PALM: variants seen among roughly 807,000 people sequenced by gnomAD.
PALM encodes paralemmin-1.
Under a neutral mutation model 30.7 loss-of-function variants are expected in PALM, and 18 were observed. That is an observed-to-expected ratio of 0.59 (90% confidence interval 0.41 to 0.87). PALM has a LOEUF of 0.87. Ranked by LOEUF, PALM falls within the 40% of genes least tolerant of loss-of-function variation. The probability of loss-of-function intolerance (pLI) is 0.00; values close to 1 mark genes in which losing one functional copy is unlikely to be tolerated. For synonymous variants in PALM, 286 were observed against 242.8 expected, an observed-to-expected ratio of 1.18 and a Z score of -1.66; for missense variants, 529 against 555.4, an observed-to-expected ratio of 0.95 and a Z score of 0.48.
Position 746,613 on chromosome 19 carries a change from A to G in PALM, c.963A>G (p.Gln321=), listed in dbSNP as rs2033351063. The change falls in exon 9 of 9, where the codon CAA becomes CAG. Residue 321 remains glutamine (Q), a synonymous_variant. Transcript: ENST00000338448. The surrounding 1 kb of genome is among the most constrained non-coding windows in gnomAD (Gnocchi z 7.1). ...EAETKKVLGL[Q]DTITAELVVI... ...AGACCAAGAAGGTGCTGGGCCTTCA[A>G]GATACCATCACGGCGGAGCTGGTGG... The G allele has an allele frequency of 1.2e-6, 2 of 1,613,288 alleles. No homozygotes were observed. Among genetic ancestry groups the G allele is most frequent in the Admixed American group, 1.7e-5 (1 of 59,994 alleles).
At position 746,922 on chromosome 19, in the gene PALM, T is replaced by C. The variant is rs2033366187; in HGVS notation, c.*108T>C. On this transcript the variant is annotated 3_prime_UTR_variant, in exon 9 of 9. Coordinates refer to ENST00000338448, the MANE Select transcript of PALM (RefSeq NM_002579.3). The surrounding 1 kb of genome is among the most constrained non-coding windows in gnomAD (Gnocchi z 7.1). Reference sequence around the variant, plus strand: ...CCCACAGCCTCACGGGTCCAGGACTTGGCGTGTTGTTACATGTTCCTTCCG... The same window carrying C: ...CCCACAGCCTCACGGGTCCAGGACTCGGCGTGTTGTTACATGTTCCTTCCG... 3 of 681,452 alleles carry C rather than the reference T, an allele frequency of 4.4e-6. No homozygotes were observed. The highest frequency in any genetic ancestry group is 8.3e-4 in the Middle Eastern group (2 of 2,412). The allele number at this position is 681,452 out of a possible 1,614,324, so 42.2% of individuals were successfully genotyped here.
At chr19:721,607 T>G (rs1489726077) in intron 1 of PALM, among the ~76,000 whole-genome samples, 1 of 151,790 alleles carries the variant, frequency 6.6e-6, no homozygotes, top group Non-Finnish European at 1.5e-5. Context: ...TTGTTTGTTT[T>G]GTTTTTTGAG....
In PALM at chr19:731,206, G is replaced by A; in HGVS notation, c.381G>A (p.Lys127=). 1.2e-6 allele frequency: 2 copies of A among 1,611,630 alleles called. No individual in the cohort carries two copies. Among genetic ancestry groups the A allele is most frequent in the African/African-American group, 1.3e-5 (1 of 75,012 alleles). ...PVRAPAPSPA[K]EERKTEVVMN... The stretch of plus-strand genomic sequence containing the variant: ...GGGCCCCAGCCCCGAGTCCAGCCAA[G>A]GAGGAGCGCAAGACAGAGGTGGTGA... Residue 127 remains lysine, a synonymous_variant, in exon 5 of 9, where the codon AAG becomes AAA. Coordinates refer to ENST00000338448, the MANE Select transcript of PALM (RefSeq NM_002579.3).
intron 4 of PALM, chr19:727,945 T>G: frequency 2.2e-6 from 1 of 457,252 alleles, no homozygotes; most frequent in Non-Finnish European, 3.9e-6. Context: ...AGATACCCCT[T>G]TCCCTTCCCA....
At chr19:716,672 C>T (rs1371387971) in intron 1 of PALM, among the ~76,000 whole-genome samples, 1 of 152,066 alleles carries the variant, frequency 6.6e-6, no homozygotes, top group Non-Finnish European at 1.5e-5. Flanking sequence ...CGCTTCCAGC[C>T]ATGGAAAGTC....
chr19:740,273 C>T (rs564688595), intron 7 of PALM, 79 bp from the exon 8 acceptor site: 3 of 1,421,964 alleles, frequency 2.1e-6, no homozygotes, highest in Admixed American at 2.3e-5. Context: ...TGGCTCCCCC[C>T]TCCCTGGCTT....
intron 5 of PALM, among the ~76,000 whole-genome samples, chr19:733,458 G>A (rs906364422): frequency 3.9e-5 from 6 of 152,194 alleles, no homozygotes; most frequent in Admixed American, 2.6e-4. Flanking sequence ...GACCAGGGAT[G>A]CCAGGGCACA....
intron 8 of PALM, among the ~76,000 whole-genome samples, chr19:745,203 A>G (rs1281091411): frequency 1.3e-5 from 2 of 151,996 alleles, no homozygotes; most frequent in African/African-American, 4.8e-5. Context: ...AATCCCTGTA[A>G]CCTCCAGTTC....
chr19:709,967 C>A lies in PALM; in HGVS notation c.5+816C>A, dbSNP rs2144835377. On this transcript the variant is annotated intron_variant, in intron 1 of 8. Transcript: ENST00000338448. This position sits in a 1 kb window ranked among gnomAD's most constrained non-coding sequence, Gnocchi z 4.3. ...CGAGGGCGCGTGGTCATTTCGGACA[C>A]CGGTCCCCTCCTCCCGGTGCTCGGG... Among the ~76,000 whole-genome samples, 1 of 152,258 alleles carries A rather than the reference C, an allele frequency of 6.6e-6. No individual in the cohort carries two copies. The highest frequency in any genetic ancestry group is 2.1e-4 in the South Asian group (1 of 4,830).
In PALM at chr19:746,282, C is replaced by T; in HGVS notation, c.635-3C>T. 1 of 1,610,940 alleles carries T rather than the reference C, an allele frequency of 6.2e-7. No individual in the cohort carries two copies. The highest frequency in any genetic ancestry group is 8.5e-7 in the Non-Finnish European group (1 of 1,178,286). On this transcript the variant is annotated splice_region_variant and splice_polypyrimidine_tract_variant and intron_variant, in intron 8 of 8. Coordinates refer to ENST00000338448, the MANE Select transcript of PALM (RefSeq NM_002579.3). The surrounding 1 kb of genome is among the most constrained non-coding windows in gnomAD (Gnocchi z 7.1). Reference sequence around the variant, plus strand: ...GTCATTCTCTCTGTCTCTCCTTGTACAGTGGTCCATGCTGTGGACGGCACC... The same window carrying T: ...GTCATTCTCTCTGTCTCTCCTTGTATAGTGGTCCATGCTGTGGACGGCACC...
intron 4 of PALM, 68 bp from the exon 5 acceptor site, chr19:731,027 G>A (rs1306243814): frequency 1.2e-5 from 12 of 1,035,346 alleles, no homozygotes; most frequent in Middle Eastern, 2.4e-4. Context: ...GGGAGCTGTC[G>A]TACAGAAGGT....
intron 1 of PALM, chr19:719,655 C>T (rs2032391303): frequency 1.0e-6 from 1 of 983,704 alleles, no homozygotes; most frequent in Non-Finnish European, 1.2e-6. Flanking sequence ...CTCCGCCCAG[C>T]ATGTAAGACC....
intron 8 of PALM, among the ~76,000 whole-genome samples, chr19:743,179 C>G (rs1379512131): frequency 6.6e-6 from 1 of 152,136 alleles, no homozygotes; most frequent in Non-Finnish European, 1.5e-5. Flanking sequence ...CAGAGGGGTC[C>G]CCGCAGCCCA....
chr19:723,685 G>C (rs751278229), intron 1 of PALM, among the ~76,000 whole-genome samples: 1 of 152,162 alleles, frequency 6.6e-6, no homozygotes, highest in African/African-American at 2.4e-5. Flanking sequence ...CCGCCTCCTG[G>C]GTTCAATCAA....
At chr19:715,048 C>A (rs1257660590) in intron 1 of PALM, among the ~76,000 whole-genome samples, 2 of 152,138 alleles carry the variant, frequency 1.3e-5, no homozygotes, top group Non-Finnish European at 2.9e-5. Flanking sequence ...AGGATCACCT[C>A]AGGTCAGGAG....
In PALM at chr19:709,239, G is replaced by A; in HGVS notation, c.5+88G>A. 3.5e-6 allele frequency: 1 copy of A among 287,402 alleles called. No homozygotes were observed. The highest frequency in any genetic ancestry group is 5.4e-5 in the East Asian group (1 of 18,560). 17.8% of individuals were successfully genotyped at this position (287,402 alleles called of 1,614,324 possible). Reference sequence around the variant, plus strand: ...GAGGCCCCCTCTCTCGCGCCCCATTGGGGGCGTCGCTGCCCCCGCGAGGAG... The same window carrying A: ...GAGGCCCCCTCTCTCGCGCCCCATTAGGGGCGTCGCTGCCCCCGCGAGGAG... On this transcript the variant is annotated intron_variant, in intron 1 of 8. Transcript: ENST00000338448. The surrounding 1 kb of genome is among the most constrained non-coding windows in gnomAD (Gnocchi z 4.3).
At chr19:733,123 G>C (rs1478795044) in intron 5 of PALM, among the ~76,000 whole-genome samples, 1 of 152,032 alleles carries the variant, frequency 6.6e-6, no homozygotes, top group South Asian at 2.1e-4. Context: ...ACAGGGTTTG[G>C]CCATGTTGGT....
chr19:740,484 G>A lies in PALM; in HGVS notation c.634+1G>A, dbSNP rs2033156403. 3 of 1,550,090 alleles carry A rather than the reference G, an allele frequency of 1.9e-6. No homozygotes were observed. The highest frequency in any genetic ancestry group is 1.4e-5 in the African/African-American group (1 of 73,174). On this transcript the variant is annotated splice_donor_variant, in intron 8 of 8. Coordinates refer to ENST00000338448, the MANE Select transcript of PALM (RefSeq NM_002579.3). LOFTEE classifies it high-confidence loss of function. ...AAAGTCTACGAGGACGAGACCAAAGGTACGAGCACCCCGGCCCCTGCCCTC... is the reference window on the plus strand; with the variant it reads ...AAAGTCTACGAGGACGAGACCAAAGATACGAGCACCCCGGCCCCTGCCCTC...
intron 4 of PALM, 83 bp downstream of exon 4, chr19:727,777 G>A (rs1456061070): frequency 2.3e-6 from 3 of 1,322,028 alleles, no homozygotes; most frequent in Non-Finnish European, 3.1e-6. Flanking sequence ...GCTGGGAAGA[G>A]TCGTCAGTGT....
Sources: allele counts gnomAD v4.1 joint callset (sites outside exome capture counted in the v4.1 genomes callset), GRCh38; gene constraint gnomAD v4.1.1; non-coding constraint Gnocchi (gnomAD v3.1); transcripts MANE v1.5; gene names NCBI Gene and HGNC (gene_info 2026-07-23, HGNC 2026-07-21).